NPIPA5: variants seen among roughly 807,000 people sequenced by gnomAD.
The protein encoded by NPIPA5 is nuclear pore complex-interacting protein family member A5.
NPIPA5 carries 6 observed loss-of-function variants against 21.4 expected under a neutral mutation model. The observed-to-expected ratio is 0.28, with a 90% CI of 0.15 to 0.55. The LOEUF is 0.55. Ranked by LOEUF, NPIPA5 falls within the 20% of genes least tolerant of loss-of-function variation. The pLI is 0.93. For missense variants in NPIPA5, 99 were observed against 318.2 expected (o/e 0.31, Z 5.24); for synonymous variants, 33 against 115.3 (o/e 0.29, Z 4.57).
At chr16:15,377,648 G>T (rs1287449950) in intron 1 of NPIPA5, among the ~76,000 whole-genome samples, 2 of 110,496 alleles carry the variant, frequency 1.8e-5, no homozygotes, top group African/African-American at 7.0e-5. Flanking sequence ...GGAGGGGGAG[G>T]GGAAGGGGAA....
chr16:15,374,355 T>A (rs1050434518), intron 1 of NPIPA5, among the ~76,000 whole-genome samples: 2 of 151,392 alleles, frequency 1.3e-5, no homozygotes, highest in African/African-American at 4.9e-5. Flanking sequence ...TCTGCCACCA[T>A]GCCTGACTAA....
Position 15,363,823 on chromosome 16 carries a change from C to G in NPIPA5, c.889G>C (p.Ala297Pro). The change falls in exon 8 of 8, where the codon GCT (alanine) becomes CCT (proline). Residue 297 changes from alanine to proline, a missense_variant. Ala to Pro is a conservative substitution (Grantham distance 27). Around this residue, in one of 5 missense-constraint regions of NPIPA5, gnomAD observed 75 missense variants for 138.5 expected, o/e 0.54. Coordinates refer to ENST00000360151, the MANE Select transcript of NPIPA5 (RefSeq NM_001277325.2). ...ECLLTPLPPS[A>P]LPSADDNLKT... ...AGATTATCATCCGCTGAGGGTAGAG[C>G]TGAGGGTGGAAGGGGAGTGAGCAGA... 6.4e-7 allele frequency: 1 copy of G among 1,554,412 alleles called. No individual in the cohort carries two copies. Among genetic ancestry groups the G allele is most frequent in the South Asian group, 1.1e-5 (1 of 88,214 alleles).
intron 1 of NPIPA5, among the ~76,000 whole-genome samples, chr16:15,376,841 G>T (rs976949234): frequency 6.6e-6 from 1 of 152,178 alleles, no homozygotes; most frequent in Non-Finnish European, 1.5e-5. Context: ...ACAAAAATTA[G>T]CCAGGCATTG....
chr16:15,376,104 G>T (rs557561430), intron 1 of NPIPA5, among the ~76,000 whole-genome samples: 2 of 152,066 alleles, frequency 1.3e-5, no homozygotes, highest in Admixed American at 1.3e-4. Context: ...GCAGAATAAA[G>T]CAGACACAAA....
intron 2 of NPIPA5, among the ~76,000 whole-genome samples, chr16:15,372,639 ATGACG>A (rs2050187753): frequency 6.9e-6 from 1 of 145,728 alleles, no homozygotes; most frequent in African/African-American, 2.5e-5. Context: ...GCAGTGCCAA[ATGACG>A]TGTAATTATC....
upstream of NPIPA5, chr16:15,381,482 A>G (rs1317684580): frequency 1.4e-5 from 14 of 982,596 alleles, no homozygotes; most frequent in Non-Finnish European, 1.7e-5. Context: ...TCATTTTTAC[A>G]TTACTAATTA....
At chr16:15,380,932 C>T, upstream of NPIPA5, 1 of 1,361,756 alleles carries the variant, frequency 7.3e-7, no homozygotes, top group Non-Finnish European at 9.9e-7. Context: ...ACTCACCTTC[C>T]TCAGGTACTC....
At chr16:15,372,092 T>C (rs1273905600) in intron 2 of NPIPA5, among the ~76,000 whole-genome samples, 2 of 148,796 alleles carry the variant, frequency 1.3e-5, no homozygotes, top group East Asian at 4.0e-4. Context: ...TAGGAGGTAA[T>C]GACTAGATGA....
chr16:15,366,695 T>TCTGCCTCTGACAC lies in NPIPA5; in HGVS notation c.490_502dup (p.Glu168GlyfsTer74), dbSNP rs2049984367. On this transcript the variant is annotated frameshift_variant, in exon 5 of 8. Transcript: ENST00000360151. LOFTEE classifies it high-confidence loss of function. ...TTTCATATCCAATTTCCCATTTTCC[T>TCTGCCTCTGACAC]CTGCCTCTGACACCTGCCTCTCCTT... The TCTGCCTCTGACAC allele has an allele frequency of 6.6e-7, 1 of 1,512,830 alleles. No homozygotes were observed. The highest frequency in any genetic ancestry group is 8.8e-7 in the Non-Finnish European group (1 of 1,131,654). 93.7% of individuals were successfully genotyped at this position (1,512,830 alleles called of 1,614,324 possible). A position where few individuals can be genotyped will look rare whatever the true frequency, so the allele number is the denominator to read the frequency against.
chr16:15,380,154 A>G (rs560707266), upstream of NPIPA5, among the ~76,000 whole-genome samples: 15 of 152,090 alleles, frequency 9.9e-5, no homozygotes, highest in South Asian at 3.1e-3. Context: ...CAAATGAAGG[A>G]GAATAAAAAA....
chr16:15,377,977 C>T (rs1407769025), intron 1 of NPIPA5, among the ~76,000 whole-genome samples: 1 of 146,488 alleles, frequency 6.8e-6, no homozygotes, highest in Non-Finnish European at 1.5e-5. Context: ...CCCGGTGGTG[C>T]CTCACAATGG....
In NPIPA5 at chr16:15,374,486, G is replaced by A. The variant is rs563905618; in HGVS notation, c.64-643C>T. Among the ~76,000 whole-genome samples, 641 of 151,316 alleles carry A rather than the reference G, an allele frequency of 4.2e-3. 8 individuals carry two copies. The South Asian group carries it at 0.046, about 11-fold the overall frequency. ...GCTGGGATTACAGGTGTGAGCCACC[G>A]TGCCCAGCCATTTTTTTTGTTTTTG... On this transcript the variant is annotated intron_variant, in intron 1 of 7. Transcript: ENST00000360151.
chr16:15,377,601 G>C (rs1039726747), intron 1 of NPIPA5, among the ~76,000 whole-genome samples: 4 of 137,254 alleles, frequency 2.9e-5, no homozygotes, highest in African/African-American at 8.1e-5. Context: ...GGAAGGGGAC[G>C]GGGACCGGGG....
At chr16:15,380,855 T>C, upstream of NPIPA5, 2 of 651,136 alleles carry the variant, frequency 3.1e-6, no homozygotes, top group South Asian at 3.9e-5. Flanking sequence ...CATCACCCGC[T>C]ATGAGATGTG....
chr16:15,379,349 C>A (rs2050381775), upstream of NPIPA5, among the ~76,000 whole-genome samples: 1 of 151,856 alleles, frequency 6.6e-6, no homozygotes, highest in African/African-American at 2.4e-5. Context: ...GTGGGCGGAT[C>A]ACAAGGTCAG....
chr16:15,376,778 G>T (rs1278878465), intron 1 of NPIPA5, among the ~76,000 whole-genome samples: 1 of 151,426 alleles, frequency 6.6e-6, no homozygotes, highest in Non-Finnish European at 1.5e-5. Context: ...AGCCAGGCGT[G>T]GTGGCCTACT....
chr16:15,381,033 A>G (rs543403882), upstream of NPIPA5: 8 of 1,514,698 alleles, frequency 5.3e-6, no homozygotes, highest in Admixed American at 2.3e-5. Context: ...TCAGGACAAT[A>G]GAGAGCTTCA....
At chr16:15,380,003 G>C (rs558770924), upstream of NPIPA5, among the ~76,000 whole-genome samples, 4 of 151,686 alleles carry the variant, frequency 2.6e-5, no homozygotes, top group South Asian at 6.3e-4. Flanking sequence ...GTGTGTGTGT[G>C]TGTGTGTGTA....
intron 1 of NPIPA5, among the ~76,000 whole-genome samples, chr16:15,375,550 T>C (rs1403824842): frequency 6.6e-6 from 1 of 150,398 alleles, no homozygotes; most frequent in Non-Finnish European, 1.5e-5. Context: ...GAGACCATCC[T>C]AGCTAACACG....
Sources: gnomAD v4.1 joint callset for allele counts (sites outside exome capture counted in the v4.1 genomes callset) on GRCh38, gnomAD v4.1.1 for gene constraint, gnomAD v4.1.1 regional missense constraint, MANE v1.5 for transcripts, NCBI Gene and HGNC (gene_info 2026-07-23, HGNC 2026-07-21) for gene names.